The following ATP8B1 variants were observed in gnomAD, a reference collection of about 807,000 sequenced individuals.
The protein encoded by ATP8B1 is phospholipid-transporting ATPase IC.
A neutral mutation model predicts 149.9 loss-of-function variants in ATP8B1; 80 were observed. The observed-to-expected ratio is 0.53, with a 90% CI of 0.45 to 0.64. The LOEUF is 0.64. Among genes scored for constraint, ATP8B1 ranks in the 30% least tolerant of loss-of-function variants. The pLI, the probability that ATP8B1 is intolerant of heterozygous loss-of-function variation, is 0.00. For synonymous variants in ATP8B1, 536 were observed against 562.8 expected, an observed-to-expected ratio of 0.95 and a Z score of 0.67; for missense variants, 1,247 against 1,552.6, an observed-to-expected ratio of 0.80 and a Z score of 3.31.
At chr18:57,671,368 G>A in intron 17 of ATP8B1, 100 bp downstream of exon 17, 2 of 1,032,986 alleles carry the variant, frequency 1.9e-6, no homozygotes, top group Non-Finnish European at 3.0e-6. Flanking sequence ...AAAGCAAAGG[G>A]AGGGTCAGCA....
intron 1 of ATP8B1, among the ~76,000 whole-genome samples, chr18:57,776,821 AC>A (rs1261663638): frequency 2.0e-5 from 3 of 152,032 alleles, no homozygotes; most frequent in Non-Finnish European, 4.4e-5. Flanking sequence ...TGTTATTTTC[AC>A]CCCCCTTCCC....
Position 57,704,684 on chromosome 18 carries a change from A to G in ATP8B1, c.280-16T>C. On this transcript the variant is annotated splice_polypyrimidine_tract_variant and intron_variant, in intron 3 of 27. Transcript: ENST00000648908. Reference sequence around the variant, plus strand: ...TTGCATTATTCTGTTGGAAAAAATAAGAGTCATTCTAAATGATGCTGTATT... The same window carrying G: ...TTGCATTATTCTGTTGGAAAAAATAGGAGTCATTCTAAATGATGCTGTATT... The G allele has an allele frequency of 6.7e-7, 1 of 1,490,664 alleles. No homozygotes were observed. The highest frequency in any genetic ancestry group is 9.4e-7 in the Non-Finnish European group (1 of 1,068,764). The allele number at this position is 1,490,664 out of a possible 1,614,324, so 92.3% of individuals were successfully genotyped here.
intron 1 of ATP8B1, among the ~76,000 whole-genome samples, chr18:57,742,550 G>C (rs1411965360): frequency 6.6e-6 from 1 of 152,172 alleles, no homozygotes; most frequent in African/African-American, 2.4e-5. Context: ...AAGATTGGCT[G>C]CCTGGGTGTG....
chr18:57,764,069 T>C (rs113208926), intron 1 of ATP8B1, among the ~76,000 whole-genome samples: 176 of 152,326 alleles, frequency 1.2e-3, no homozygotes, highest in African/African-American at 4.2e-3. Flanking sequence ...TATAATACTT[T>C]AATAAATAGG....
chr18:57,675,151 GAGTCA>G, intron 15 of ATP8B1, 129 bp from the exon 16 acceptor site: 1 of 889,490 alleles, frequency 1.1e-6, no homozygotes, highest in Non-Finnish European at 1.7e-6. Context: ...CCAGGAAAAC[GAGTCA>G]TTGACTTGGA....
intron 1 of ATP8B1, among the ~76,000 whole-genome samples, chr18:57,789,402 C>T (rs1055792858): frequency 6.6e-6 from 1 of 152,148 alleles, no homozygotes; most frequent in African/African-American, 2.4e-5. Flanking sequence ...AGTTATAATT[C>T]CTTTGCTTGC....
At chr18:57,735,983 C>T (rs2079850346) in intron 1 of ATP8B1, among the ~76,000 whole-genome samples, 1 of 147,754 alleles carries the variant, frequency 6.8e-6, no homozygotes, top group African/African-American at 2.5e-5. Flanking sequence ...CCCACCCCCA[C>T]CCCCAACAGG....
intron 2 of ATP8B1, among the ~76,000 whole-genome samples, chr18:57,712,065 A>ATATG (rs1913715973): frequency 6.6e-6 from 1 of 151,506 alleles, no homozygotes; most frequent in African/African-American, 2.4e-5. Context: ...ATATATATAT[A>ATATG]TATGGCGAAT....
Position 57,661,434 on chromosome 18 carries a change from T to G in ATP8B1, c.2447A>C (p.Lys816Thr), listed in dbSNP as rs1910397183. ...CTTCAGCTTCAGAATCTTATTTCTC[T>G]TGGTCTTTTTCTCGAGAAGAATTTC... ...LNEILLEKKT[K>T]RNKILKLKFP... Residue 816 changes from lysine to threonine, a missense_variant, in exon 22 of 28, where the codon AAG (lysine) becomes ACG (threonine). Lys to Thr is a moderately conservative substitution (Grantham distance 78, BLOSUM62 -1). Transcript: ENST00000648908. 1 of 1,613,722 alleles carries G rather than the reference T, an allele frequency of 6.2e-7. No individual in the cohort carries two copies. Among genetic ancestry groups the G allele is most frequent in the Non-Finnish European group, 8.5e-7 (1 of 1,179,886 alleles).
At position 57,709,256 on chromosome 18, in the gene ATP8B1, A is replaced by G. The variant is rs370671942; in HGVS notation, c.182-2669T>C. ...CATGAAAATATGAAAACAGAGCTCC[A>G]TGGACAGACACACTTGCAGAAGACA... is the stretch of plus-strand genomic sequence containing the variant. On this transcript the variant is annotated intron_variant, in intron 2 of 27. Transcript: ENST00000648908. Among the ~76,000 whole-genome samples the G allele has an allele frequency of 3.9e-5, 6 of 152,366 alleles. No homozygotes were observed. In the South Asian group the frequency reaches 6.2e-4, roughly 16 times the overall value.
At chr18:57,658,399 A>T (rs1910152422) in intron 22 of ATP8B1, among the ~76,000 whole-genome samples, 1 of 152,194 alleles carries the variant, frequency 6.6e-6, no homozygotes, top group Non-Finnish European at 1.5e-5. Flanking sequence ...GTCTAAGACC[A>T]AGAAGAGACA....
chr18:57,740,147 A>G (rs1023053022), intron 1 of ATP8B1, among the ~76,000 whole-genome samples: 18 of 151,970 alleles, frequency 1.2e-4, no homozygotes, highest in African/African-American at 3.9e-4. Flanking sequence ...CTGGAGTTCA[A>G]TGGCGCGATC....
intron 1 of ATP8B1, among the ~76,000 whole-genome samples, chr18:57,797,823 C>T (rs1322138817): frequency 6.6e-6 from 1 of 151,336 alleles, no homozygotes; most frequent in East Asian, 1.9e-4. Flanking sequence ...TCTCCTGCCT[C>T]AGCCTCCTGA....
At chr18:57,669,212 G>T in intron 18 of ATP8B1, 106 bp downstream of exon 18, 1 of 1,221,474 alleles carries the variant, frequency 8.2e-7, no homozygotes, top group Non-Finnish European at 1.1e-6. Context: ...AAATGCTGAA[G>T]TTACAATTAT....
At chr18:57,679,662 G>C (rs1479595905) in intron 15 of ATP8B1, among the ~76,000 whole-genome samples, 1 of 152,050 alleles carries the variant, frequency 6.6e-6, no homozygotes, top group African/African-American at 2.4e-5. Flanking sequence ...TGCCTCAGCT[G>C]ATTCACTCTA....
chr18:57,695,388 TC>T (rs1912758585), intron 9 of ATP8B1, 59 bp from the exon 10 acceptor site: 5 of 1,589,954 alleles, frequency 3.1e-6, no homozygotes, highest in Non-Finnish European at 3.5e-6. Flanking sequence ...CTGGTTTTAA[TC>T]AATAGGAATT....
At chr18:57,690,737 A>G (rs939930371) in intron 12 of ATP8B1, among the ~76,000 whole-genome samples, 1 of 152,246 alleles carries the variant, frequency 6.6e-6, no homozygotes, top group Admixed American at 6.5e-5. Flanking sequence ...CTCTAATTAT[A>G]GGTGTGTATG....
At chr18:57,663,626 G>T (rs138075197) in intron 20 of ATP8B1, among the ~76,000 whole-genome samples, 334 of 152,232 alleles carry the variant, frequency 2.2e-3, no homozygotes, top group East Asian at 8.7e-3. Context: ...CCATCCTAAA[G>T]GGTGTGAGGT....
chr18:57,791,346 CTTTTCTTT>C (rs2080462399), intron 1 of ATP8B1, among the ~76,000 whole-genome samples: 1 of 124,970 alleles, frequency 8.0e-6, no homozygotes. Flanking sequence ...TTTTTCTTTT[CTTTTCTTT>C]TTTTTTTTTT....
Sources: allele counts gnomAD v4.1 joint callset (sites outside exome capture counted in the v4.1 genomes callset), GRCh38; gene constraint gnomAD v4.1.1; transcripts MANE v1.5; gene names NCBI Gene and HGNC (gene_info 2026-07-23, HGNC 2026-07-21).